The following ANK2 variants were observed in gnomAD, a reference collection of about 807,000 sequenced individuals.
The protein encoded by ANK2 is ankyrin-2.
In ANK2, 83 loss-of-function variants were observed where a neutral mutation model predicts 360.5. The observed-to-expected ratio is 0.23, with a 90% CI of 0.19 to 0.28. The LOEUF (loss-of-function observed/expected upper bound fraction) is 0.28, where lower values mean the gene tolerates loss of function less well. Ranked by LOEUF, ANK2 falls within the 10% of genes least tolerant of loss-of-function variation. ANK2 has a pLI of 1.00. For synonymous variants in ANK2, 1,740 were observed against 1,759.5 expected, an observed-to-expected ratio of 0.99 and a Z score of 0.28; for missense variants, 4,201 against 4,795.7, an observed-to-expected ratio of 0.88 and a Z score of 3.66.
chr4:113,323,831 C>T (rs762505899), intron 26 of ANK2: 8 of 1,592,560 alleles, frequency 5.0e-6, no homozygotes, highest in Non-Finnish European at 6.9e-6. Flanking sequence ...GAACATGTTG[C>T]CTATTCCTCT....
intron 2 of ANK2, among the ~76,000 whole-genome samples, chr4:112,954,488 T>C (rs2154254887): frequency 6.6e-6 from 1 of 152,272 alleles, no homozygotes; most frequent in South Asian, 2.1e-4. Flanking sequence ...ATAGTTCGAG[T>C]ATAAGCACAC....
intron 20 of ANK2, 109 bp from the exon 21 acceptor site, chr4:113,292,307 C>G: frequency 1.0e-6 from 1 of 994,230 alleles, no homozygotes; most frequent in African/African-American, 1.6e-5. Flanking sequence ...CCAAATAAAG[C>G]ATCTGTGATG....
At chr4:113,003,417 A>G (rs1020275938) in intron 2 of ANK2, among the ~76,000 whole-genome samples, 2 of 152,234 alleles carry the variant, frequency 1.3e-5, no homozygotes, top group Non-Finnish European at 2.9e-5. Flanking sequence ...ATGAAAAAAA[A>G]TAATGAATCA....
At chr4:113,092,808 G>T (rs946012487) in intron 1 of ANK2, among the ~76,000 whole-genome samples, 1 of 152,062 alleles carries the variant, frequency 6.6e-6, no homozygotes, top group Admixed American at 6.6e-5. Context: ...GCTTGTGATG[G>T]TTCTTTTAGT....
chr4:112,753,044 G>A, the ANK2 span, among the ~76,000 whole-genome samples: 1 of 152,264 alleles, frequency 6.6e-6, no homozygotes, highest in Middle Eastern at 3.4e-3. Flanking sequence ...TGCTGTTCAG[G>A]AACCTGACAA....
At chr4:113,070,528 T>C (rs1404054715) in intron 1 of ANK2, among the ~76,000 whole-genome samples, 1 of 152,224 alleles carries the variant, frequency 6.6e-6, no homozygotes, top group Non-Finnish European at 1.5e-5. Context: ...CAAACACAAA[T>C]GTACTTACTT....
chr4:113,146,131 C>A, intron 1 of ANK2: 1 of 1,013,102 alleles, frequency 9.9e-7, no homozygotes, highest in Non-Finnish European at 1.3e-6. Flanking sequence ...GTGATCAAAC[C>A]ACCTGACTAC....
intron 14 of ANK2, 127 bp downstream of exon 14, chr4:113,265,122 T>C (rs2055233842): frequency 2.2e-6 from 2 of 910,938 alleles, no homozygotes; most frequent in Non-Finnish European, 1.7e-6. Flanking sequence ...ATCAATTCAA[T>C]AGCAGTTTTC....
chr4:113,331,536 G>A (rs1029628932), intron 27 of ANK2, among the ~76,000 whole-genome samples: 16 of 152,162 alleles, frequency 1.1e-4, no homozygotes, highest in South Asian at 4.1e-4. Context: ...ATTCCCCAAT[G>A]ATTCTTTTCA....
chr4:112,967,594 AAAC>A (rs1222907187), intron 2 of ANK2, among the ~76,000 whole-genome samples: 10 of 152,258 alleles, frequency 6.6e-5, no homozygotes, highest in Admixed American at 3.9e-4. Context: ...AAAGGTGTGA[AAAC>A]AAAGTTATCA....
At chr4:113,313,534 A>G (rs2081190981) in intron 24 of ANK2, 1 of 152,604 alleles carries the variant, frequency 6.6e-6, no homozygotes. Context: ...AGATGTATTC[A>G]CCATTTCCAA....
At position 113,348,286 on chromosome 4, in the gene ANK2, C is replaced by T; in HGVS notation, c.4382C>T (p.Ser1461Leu). Residue 1461 changes from serine to leucine, a missense_variant, in exon 36 of 46, where the codon TCA (serine) becomes TTA (leucine). Ser to Leu is a moderately radical substitution (Grantham distance 145). Around this residue, in one of 4 missense-constraint regions of ANK2, gnomAD observed 1,268 missense variants for 1,650.8 expected, o/e 0.77. Transcript: ENST00000357077. ...TLPIYTKESESDQEQEEEIDM... is the reference protein window; with the variant it reads ...TLPIYTKESELDQEQEEEIDM... ...TCTTGGGGCGGAAAGGAATCAGAGT[C>T]AGATCAAGAACAGGAGGAAGAGGTA... 3.1e-6 allele frequency: 5 copies of T among 1,613,410 alleles called. No homozygotes were observed. Among genetic ancestry groups the T allele is most frequent in the South Asian group, 1.1e-5 (1 of 91,050 alleles).
At position 112,886,107 on chromosome 4, in the gene ANK2, A is replaced by G. The variant is rs79489253; in HGVS notation, c.-39-18348A>G. ...CTTTAGAGAGGATGGCAGTCACAGA[A>G]GTCTGTCTGGGGACTTGCTGCTCAA... is the stretch of plus-strand genomic sequence containing the variant. On this transcript the variant is annotated intron_variant, in intron 1 of 30. Coordinates refer to the ANK2 transcript ENST00000503271. Among the ~76,000 whole-genome samples the G allele has an allele frequency of 7.1e-3, 1,085 of 152,192 alleles. 12 individuals carry two copies. The highest frequency in any genetic ancestry group is 0.024 in the African/African-American group (986 of 41,514).
intron 2 of ANK2, among the ~76,000 whole-genome samples, chr4:112,928,824 CT>C (rs1276409108): frequency 6.6e-6 from 1 of 151,376 alleles, no homozygotes; most frequent in African/African-American, 2.4e-5. Context: ...AAATACATTT[CT>C]TTTGTTTAAC....
chr4:113,200,411 G>T (rs191942429), intron 4 of ANK2, among the ~76,000 whole-genome samples: 1 of 152,220 alleles, frequency 6.6e-6, no homozygotes, highest in East Asian at 1.9e-4. Flanking sequence ...TGTTACATGG[G>T]TATATTATGT....
At chr4:113,119,294 A>T (rs1470938855) in intron 1 of ANK2, among the ~76,000 whole-genome samples, 2 of 152,024 alleles carry the variant, frequency 1.3e-5, no homozygotes. Flanking sequence ...TCTACTGCAG[A>T]TATTTACACA....
At chr4:113,177,012 T>G (rs2082158907) in intron 2 of ANK2, among the ~76,000 whole-genome samples, 4 of 152,224 alleles carry the variant, frequency 2.6e-5, no homozygotes, top group Admixed American at 2.0e-4. Flanking sequence ...TGCCACATTT[T>G]CTTAATCCAG....
chr4:112,966,537 A>G (rs908871049), intron 2 of ANK2, among the ~76,000 whole-genome samples: 12 of 152,056 alleles, frequency 7.9e-5, no homozygotes, highest in African/African-American at 2.9e-4. Flanking sequence ...TTAATTCTAT[A>G]ATAAGAGTTT....
At chr4:112,857,638 A>G (rs986751308) in intron 1 of ANK2, among the ~76,000 whole-genome samples, 12 of 152,192 alleles carry the variant, frequency 7.9e-5, no homozygotes, top group Non-Finnish European at 7.3e-5. Context: ...ACATGTTACT[A>G]TGCTGCAGTG....
Sources: allele counts gnomAD v4.1 joint callset (sites outside exome capture counted in the v4.1 genomes callset), GRCh38; gene constraint gnomAD v4.1.1; regional missense constraint gnomAD v4.1.1; transcripts MANE v1.5; gene names NCBI Gene and HGNC (gene_info 2026-07-23, HGNC 2026-07-21).